The following BTBD9 variants were observed in gnomAD, a reference collection of about 807,000 sequenced individuals.
BTBD9 encodes BTB domain containing 9.
BTBD9 carries 49 observed loss-of-function variants against 64.3 expected under a neutral mutation model. That is an observed-to-expected ratio of 0.76 (90% confidence interval 0.61 to 0.97). The LOEUF is 0.97. Ranked by LOEUF, BTBD9 falls within the 50% of genes least tolerant of loss-of-function variation. The pLI is 0.00. For synonymous variants in BTBD9, 260 were observed against 274.7 expected (o/e 0.95, Z 0.53); for missense variants, 598 against 762.1 (o/e 0.78, Z 2.53).
intron 8 of BTBD9, among the ~76,000 whole-genome samples, chr6:38,284,592 T>C (rs1446581702): frequency 1.3e-5 from 2 of 152,200 alleles, no homozygotes; most frequent in Non-Finnish European, 2.9e-5. Context: ...ATAGACTACC[T>C]CATCAGTACA....
rs371831215 is a variant in BTBD9 at position 38,394,570 on chromosome 6, A to C, written c.1155-49477T>G. Among the ~76,000 whole-genome samples the C allele has an allele frequency of 2.8e-4, 42 of 152,246 alleles. 1 individual carries two copies. In the South Asian group the frequency reaches 3.1e-3, roughly 11 times the overall value. On this transcript the variant is annotated intron_variant, in intron 6 of 10. Coordinates refer to ENST00000481247, the MANE Select transcript of BTBD9 (RefSeq NM_001099272.2). ...TGGCACCCAATGGTTGTGTTCTGTT[A>C]TTCATATCTTTATGTCGTTCCTTCT... is the stretch of plus-strand genomic sequence containing the variant.
chr6:38,593,345 G>T (rs1225698768), intron 3 of BTBD9, among the ~76,000 whole-genome samples: 1 of 152,052 alleles, frequency 6.6e-6, no homozygotes, highest in Non-Finnish European at 1.5e-5. Flanking sequence ...AAATGAAATA[G>T]GATAACACAG....
At chr6:38,389,798 G>C (rs1484793823) in intron 6 of BTBD9, among the ~76,000 whole-genome samples, 1 of 152,114 alleles carries the variant, frequency 6.6e-6, no homozygotes, top group African/African-American at 2.4e-5. Flanking sequence ...TACCAGTATT[G>C]TACATTTTAC....
intron 6 of BTBD9, among the ~76,000 whole-genome samples, chr6:38,409,010 G>A (rs1767291438): frequency 6.6e-6 from 1 of 152,354 alleles, no homozygotes; most frequent in African/African-American, 2.4e-5. Flanking sequence ...AGCACTTTGG[G>A]AGGCCGAGGC....
chr6:38,311,432 A>C (rs921913813), intron 7 of BTBD9, among the ~76,000 whole-genome samples: 1 of 152,200 alleles, frequency 6.6e-6, no homozygotes, highest in Non-Finnish European at 1.5e-5. Context: ...TGGCTGAATA[A>C]GTGCTCCATT....
rs146834554 is a variant in BTBD9 at position 38,606,633 on chromosome 6, T to A, written c.-27-8512A>T. 3.2e-4 allele frequency among the ~76,000 whole-genome samples: 48 copies of A among 152,256 alleles called. 1 individual carries two copies. The highest frequency in any genetic ancestry group is 1.2e-3 in the African/African-American group (48 of 41,568). Reference sequence around the variant, plus strand: ...TCTGAAAACAAGCTTAAAACCAAATTAGAATCTGGTAACAAATTAACCATT... The same window carrying A: ...TCTGAAAACAAGCTTAAAACCAAATAAGAATCTGGTAACAAATTAACCATT... On this transcript the variant is annotated intron_variant, in intron 1 of 10. Coordinates refer to ENST00000481247, the MANE Select transcript of BTBD9 (RefSeq NM_001099272.2).
chr6:38,304,493 C>T (rs1051001715), intron 7 of BTBD9, among the ~76,000 whole-genome samples: 1 of 151,796 alleles, frequency 6.6e-6, no homozygotes, highest in Non-Finnish European at 1.5e-5. Flanking sequence ...TTGCAATGGG[C>T]TGAGACCATG....
rs115456557 is a variant in BTBD9, at chr6:38,595,620, C to T, written c.186-1293G>A. 3.1e-3 allele frequency: 590 copies of T among 188,028 alleles called. 4 individuals are homozygous for T. The highest frequency in any genetic ancestry group is 0.013 in the African/African-American group (542 of 42,152). 11.6% of individuals were successfully genotyped at this position (188,028 alleles called of 1,614,324 possible). On this transcript the variant is annotated intron_variant, in intron 2 of 10. Transcript: ENST00000481247. ...GACTGGAAATAAGAAAGAGATTCTC[C>T]GTGTTGCTAAAATTCTCAGAGTAGG...
intron 6 of BTBD9, among the ~76,000 whole-genome samples, chr6:38,556,069 G>T (rs1774998762): frequency 6.6e-6 from 1 of 152,142 alleles, no homozygotes. Context: ...CTTCAAAACT[G>T]CAAGGCTCGA....
intron 6 of BTBD9, among the ~76,000 whole-genome samples, chr6:38,429,617 T>C (rs2127293721): frequency 6.6e-6 from 1 of 152,088 alleles, no homozygotes; most frequent in Middle Eastern, 3.4e-3. Context: ...CAAGTTACAC[T>C]GCATCTACAG....
intron 6 of BTBD9, among the ~76,000 whole-genome samples, chr6:38,561,916 C>T (rs906622100): frequency 1.3e-5 from 2 of 151,982 alleles, no homozygotes; most frequent in Non-Finnish European, 2.9e-5. Context: ...TATGTGCCCC[C>T]CGAATGTAAA....
intron 6 of BTBD9, among the ~76,000 whole-genome samples, chr6:38,490,597 G>C (rs1330258839): frequency 6.6e-6 from 1 of 152,144 alleles, no homozygotes; most frequent in African/African-American, 2.4e-5. Context: ...TGGGATTACA[G>C]GTGTGAGTCA....
intron 9 of BTBD9, among the ~76,000 whole-genome samples, chr6:38,194,630 C>T (rs953744260): frequency 3.9e-5 from 6 of 152,140 alleles, no homozygotes; most frequent in African/African-American, 1.4e-4. Flanking sequence ...GGCCCAGAAT[C>T]ACGGCCCTGT....
intron 6 of BTBD9, among the ~76,000 whole-genome samples, chr6:38,569,869 TA>T (rs143265608): frequency 0.055 from 7,755 of 141,042 alleles, 259 homozygotes; most frequent in East Asian, 0.21. Context: ...ATTTCCCAAC[TA>T]AAAAAAAAAA....
Position 38,329,649 on chromosome 6 carries a change from G to A in BTBD9, c.1264+15335C>T, listed in dbSNP as rs150190447. ...AAAGACTCTTAATAGATATTGCCAAGTTGTCTTCTATAAAACATGTACTGG... is the reference window on the plus strand; with the variant it reads ...AAAGACTCTTAATAGATATTGCCAAATTGTCTTCTATAAAACATGTACTGG... On this transcript the variant is annotated intron_variant, in intron 7 of 10. Transcript: ENST00000481247. Among the ~76,000 whole-genome samples the A allele has an allele frequency of 6.5e-3, 983 of 152,160 alleles. 6 individuals carry two copies. Among genetic ancestry groups the A allele is most frequent in the Non-Finnish European group, 0.011 (719 of 67,992 alleles).
At chr6:38,283,137 G>C (rs562173605) in intron 8 of BTBD9, among the ~76,000 whole-genome samples, 1 of 152,298 alleles carries the variant, frequency 6.6e-6, no homozygotes, top group Admixed American at 6.5e-5. Flanking sequence ...ATTGGTATCT[G>C]ACTCACTAAG....
At chr6:38,325,588 G>A (rs1763392055) in intron 7 of BTBD9, among the ~76,000 whole-genome samples, 1 of 152,188 alleles carries the variant, frequency 6.6e-6, no homozygotes, top group South Asian at 2.1e-4. Flanking sequence ...GGGAGGCTGA[G>A]GCAGGAGAAT....
intron 7 of BTBD9, among the ~76,000 whole-genome samples, chr6:38,303,298 T>C (rs899218000): frequency 6.6e-5 from 10 of 151,862 alleles, no homozygotes; most frequent in African/African-American, 2.2e-4. Flanking sequence ...CTTTAATTCA[T>C]TTTGAGTTTA....
chr6:38,526,461 C>G (rs929411892), intron 6 of BTBD9, among the ~76,000 whole-genome samples: 1 of 148,840 alleles, frequency 6.7e-6, no homozygotes. Context: ...GGGGTTGGAC[C>G]CCCCTACATG....
Sources: gnomAD v4.1 joint callset for allele counts (sites outside exome capture counted in the v4.1 genomes callset) on GRCh38, gnomAD v4.1.1 for gene constraint, MANE v1.5 for transcripts, NCBI Gene and HGNC (gene_info 2026-07-23, HGNC 2026-07-21) for gene names.